Variants in CALN1 observed in about 807,000 individuals in gnomAD.
The protein encoded by CALN1 is calneuron 1.
Under a neutral mutation model 30.6 loss-of-function variants are expected in CALN1, and 17 were observed. That is an observed-to-expected ratio of 0.56 (90% CI 0.38 to 0.83). The LOEUF (loss-of-function observed/expected upper bound fraction) is 0.83. Among genes scored for constraint, CALN1 ranks in the 40% least tolerant of loss-of-function variants. The pLI, the probability that CALN1 is intolerant of heterozygous loss-of-function variation, is 0.00. For missense variants in CALN1, 291 were observed against 354.9 expected, an observed-to-expected ratio of 0.82 and a Z score of 1.45; for synonymous variants, 156 against 131.4, an observed-to-expected ratio of 1.19 and a Z score of -1.28.
intron 2 of CALN1, among the ~76,000 whole-genome samples, chr7:72,351,563 G>T (rs1679710534): frequency 6.6e-6 from 1 of 152,126 alleles, no homozygotes; most frequent in South Asian, 2.1e-4. Flanking sequence ...AGCACAAAGG[G>T]AGTAAGGAAA....
intron 6 of CALN1, among the ~76,000 whole-genome samples, chr7:71,803,602 G>A (rs1474869284): frequency 6.6e-6 from 1 of 152,156 alleles, no homozygotes; most frequent in African/African-American, 2.4e-5. Context: ...AGCCTCCTGA[G>A]TAGCTGGGAT....
chr7:71,798,101 CAGAGAGAG>C (rs1442774210), intron 6 of CALN1, among the ~76,000 whole-genome samples: 1 of 76,874 alleles, frequency 1.3e-5, no homozygotes, highest in Non-Finnish European at 2.5e-5. Context: ...GAGAGAGAGA[CAGAGAGAG>C]ACAGAGACAG....
At chr7:72,145,260 T>C (rs1412073539) in intron 3 of CALN1, among the ~76,000 whole-genome samples, 1 of 151,854 alleles carries the variant, frequency 6.6e-6, no homozygotes, top group African/African-American at 2.4e-5. Context: ...AAGAATCAAA[T>C]AGACACAATA....
chr7:72,217,635 T>A (rs1236661714), intron 3 of CALN1, among the ~76,000 whole-genome samples: 2 of 151,812 alleles, frequency 1.3e-5, no homozygotes, highest in African/African-American at 2.4e-5. Flanking sequence ...TTCACAGGCA[T>A]CTCTAGGGTC....
intron 5 of CALN1, among the ~76,000 whole-genome samples, chr7:71,915,355 C>T (rs896784083): frequency 3.3e-5 from 5 of 152,192 alleles, no homozygotes; most frequent in African/African-American, 1.2e-4. Context: ...TTTCTTCTTT[C>T]TCACTTCTTC....
chr7:72,475,230 G>A, the CALN1 span, among the ~76,000 whole-genome samples: 32 of 152,154 alleles, frequency 2.1e-4, no homozygotes, highest in Non-Finnish European at 2.9e-5. Context: ...TTGGGAGGTC[G>A]AGGCGGGTGG....
rs188598207 is a variant in CALN1 at position 71,779,740 on chromosome 7, G to A, written c.*8035C>T. 5 of 152,206 alleles carry A rather than the reference G, an allele frequency of 3.3e-5. No homozygotes were observed. The East Asian group carries it at 9.7e-4, about 29-fold the overall frequency. The allele number at this position is 152,206 out of a possible 1,614,324, so 9.4% of individuals were successfully genotyped here. On this transcript the variant is annotated 3_prime_UTR_variant, in exon 7 of 7. Transcript: ENST00000395275. The stretch of plus-strand genomic sequence containing the variant: ...AAGATTCTTTTTTGACTAGTCTGCT[G>A]ACTTTCTCATCACTTAATAGCAGAA...
At chr7:72,347,113 AC>A (rs771710094) in intron 2 of CALN1, among the ~76,000 whole-genome samples, 62 of 152,290 alleles carry the variant, frequency 4.1e-4, no homozygotes, top group Non-Finnish European at 8.4e-4. Context: ...ATTTTCCAAA[AC>A]CAATAAAGAC....
chr7:71,963,005 G>A (rs1429765641), intron 5 of CALN1, among the ~76,000 whole-genome samples: 1 of 152,088 alleles, frequency 6.6e-6, no homozygotes, highest in African/African-American at 2.4e-5. Context: ...ATACTACAAA[G>A]AGGACAGGTT....
At chr7:72,307,448 G>A (rs1799730289) in intron 2 of CALN1, among the ~76,000 whole-genome samples, 1 of 152,168 alleles carries the variant, frequency 6.6e-6, no homozygotes, top group Non-Finnish European at 1.5e-5. Context: ...CCGCAAGAGA[G>A]GTCAGTTCAT....
intron 6 of CALN1, among the ~76,000 whole-genome samples, chr7:71,801,274 G>A (rs76375899): frequency 1.3e-5 from 2 of 152,062 alleles, no homozygotes; most frequent in Non-Finnish European, 2.9e-5. Flanking sequence ...GTGAAGTGGT[G>A]CGACTGTGGC....
intron 3 of CALN1, among the ~76,000 whole-genome samples, chr7:72,271,191 C>T (rs963083894): frequency 6.6e-6 from 1 of 151,994 alleles, no homozygotes; most frequent in Non-Finnish European, 1.5e-5. Flanking sequence ...TTGTGAGACA[C>T]CTGCACAGGA....
chr7:71,903,288 C>T (rs1793959914), intron 5 of CALN1, among the ~76,000 whole-genome samples: 1 of 152,010 alleles, frequency 6.6e-6, no homozygotes, highest in African/African-American at 2.4e-5. Flanking sequence ...ATCACATTAC[C>T]TAACTTCAAA....
intron 4 of CALN1, among the ~76,000 whole-genome samples, chr7:72,057,997 G>C (rs894816970): frequency 1.3e-5 from 2 of 152,168 alleles, no homozygotes; most frequent in Non-Finnish European, 2.9e-5. Context: ...AAGTCGTGCA[G>C]AAGTTAAAAT....
At chr7:72,223,919 G>A (rs1371178385) in intron 3 of CALN1, among the ~76,000 whole-genome samples, 1 of 152,182 alleles carries the variant, frequency 6.6e-6, no homozygotes, top group Non-Finnish European at 1.5e-5. Context: ...AATACTGCAT[G>A]TTCTGATGTA....
intron 4 of CALN1, among the ~76,000 whole-genome samples, chr7:72,032,964 T>C (rs927406773): frequency 2.0e-5 from 3 of 152,192 alleles, no homozygotes; most frequent in Non-Finnish European, 4.4e-5. Flanking sequence ...TTTCATGGAA[T>C]GCAGGAGGTC....
At chr7:71,839,702 C>A (rs980952633) in intron 5 of CALN1, among the ~76,000 whole-genome samples, 2 of 152,178 alleles carry the variant, frequency 1.3e-5, no homozygotes, top group Non-Finnish European at 2.9e-5. Context: ...TCTCCATGGC[C>A]TCTCCAAATG....
chr7:71,879,438 T>C (rs912706855), intron 5 of CALN1, among the ~76,000 whole-genome samples: 1 of 152,146 alleles, frequency 6.6e-6, no homozygotes, highest in African/African-American at 2.4e-5. Flanking sequence ...AGATAAACTC[T>C]TGCTGAGAGT....
chr7:71,922,599 A>AATATATAACACACAGAATGTATTATAT (rs1562902984), intron 5 of CALN1, among the ~76,000 whole-genome samples: 1 of 141,232 alleles, frequency 7.1e-6, no homozygotes, highest in African/African-American at 2.6e-5. Context: ...ATTATATATA[A>AATATATAACACACAGAATGTATTATAT]ATATATAACA....
Sources: gnomAD v4.1 joint callset for allele counts (sites outside exome capture counted in the v4.1 genomes callset) on GRCh38, gnomAD v4.1.1 for gene constraint, MANE v1.5 for transcripts, NCBI Gene and HGNC (gene_info 2026-07-23, HGNC 2026-07-21) for gene names.